TTC38: variants seen among roughly 807,000 people sequenced by gnomAD.
TTC38 encodes tetratricopeptide repeat domain 38.
Under a neutral mutation model 64.2 loss-of-function variants are expected in TTC38, and 64 were observed. The ratio of observed to expected loss-of-function variants is 1.00; its 90% CI spans 0.81 to 1.23. The LOEUF is 1.23. Ranked by LOEUF, TTC38 falls within the 50% of genes most tolerant of loss-of-function variation. TTC38 has a pLI of 0.00. For synonymous variants in TTC38, 254 were observed against 249.3 expected (o/e 1.02, Z -0.18); for missense variants, 573 against 615.5 (o/e 0.93, Z 0.73).
intron 6 of TTC38, among the ~76,000 whole-genome samples, chr22:46,278,907 A>C (rs1446630854): frequency 1.3e-5 from 2 of 152,238 alleles, no homozygotes; most frequent in Non-Finnish European, 2.9e-5. Flanking sequence ...CCACGTCTAC[A>C]GATGAGGTTG....
chr22:46,293,001 G>C lies in TTC38; in HGVS notation c.*117G>C, dbSNP rs2077627520. 2 of 719,110 alleles carry C rather than the reference G, an allele frequency of 2.8e-6. No individual in the cohort carries two copies. Among genetic ancestry groups the C allele is most frequent in the Non-Finnish European group, 4.8e-6 (2 of 415,440 alleles). The allele number at this position is 719,110 out of a possible 1,614,324, so 44.5% of individuals were successfully genotyped here. On this transcript the variant is annotated 3_prime_UTR_variant, in exon 14 of 14. Coordinates refer to ENST00000381031, the MANE Select transcript of TTC38 (RefSeq NM_017931.4). This position sits in a 1 kb window ranked among gnomAD's most constrained non-coding sequence, Gnocchi z 6.6. ...CAGAGCCTGTTTGTTAGGGCTGTTA[G>C]AGGGTGATCTTCAGTTTTACAGGAA...
In TTC38 at chr22:46,271,762, C is replaced by T. The variant is rs1936901304; in HGVS notation, c.112-573C>T. ...CTGCCCTCAAGTGATCCACCCGCCT[C>T]AGTCTTCCAAAGTACTGGGATTACA... is the stretch of plus-strand genomic sequence containing the variant. On this transcript the variant is annotated intron_variant, in intron 2 of 13. Transcript: ENST00000381031. This position sits in a 1 kb window ranked among gnomAD's most constrained non-coding sequence, Gnocchi z 5.5. Among the ~76,000 whole-genome samples the T allele has an allele frequency of 6.6e-6, 1 of 152,214 alleles. No homozygotes were observed. Among genetic ancestry groups the T allele is most frequent in the South Asian group, 2.1e-4 (1 of 4,836 alleles).
In TTC38 at chr22:46,288,537, A is replaced by T; in HGVS notation, c.1031A>T (p.His344Leu). 1 of 1,613,818 alleles carries T rather than the reference A, an allele frequency of 6.2e-7. No individual in the cohort carries two copies. The highest frequency in any genetic ancestry group is 8.5e-7 in the Non-Finnish European group (1 of 1,179,870). The change falls in exon 11 of 14, where the codon CAC (histidine) becomes CTC (leucine). Residue 344 changes from histidine (H) to leucine (L), a missense_variant. Transcript: ENST00000381031. The part of the protein sequence containing the change: ...AHFLMASLGA[H>L]DPQTTQELLT... ...TTCCTGATGGCATCCCTGGGTGCACACGACCCCCAGACCACACAGGAGCTG... is the reference window on the plus strand; with the variant it reads ...TTCCTGATGGCATCCCTGGGTGCACTCGACCCCCAGACCACACAGGAGCTG...
At chr22:46,280,046 G>C in intron 6 of TTC38, 1 of 453,182 alleles carries the variant, frequency 2.2e-6, no homozygotes, top group Non-Finnish European at 4.6e-6. Flanking sequence ...CTCCCCTTTC[G>C]CCTCCTGTCC....
At position 46,276,382 on chromosome 22, in the gene TTC38, C is replaced by T. The variant is rs192709914; in HGVS notation, c.539+961C>T. Among the ~76,000 whole-genome samples, 98 of 152,238 alleles carry T rather than the reference C, an allele frequency of 6.4e-4. No homozygotes were observed. Among genetic ancestry groups the T allele is most frequent in the African/African-American group, 2.2e-3 (90 of 41,530 alleles). ...GGAGGGTAATCTGCTTTACTCAAAT[C>T]GCATCTAGAAATACCTTCACGAGAC... On this transcript the variant is annotated intron_variant, in intron 5 of 13. Coordinates refer to ENST00000381031, the MANE Select transcript of TTC38 (RefSeq NM_017931.4). The surrounding 1 kb of genome is among the most constrained non-coding windows in gnomAD (Gnocchi z 4.7).
At position 46,281,241 on chromosome 22, in the gene TTC38, C is replaced by T. The variant is rs945612955; in HGVS notation, c.616-358C>T. Among the ~76,000 whole-genome samples, 1 of 152,240 alleles carries T rather than the reference C, an allele frequency of 6.6e-6. No homozygotes were observed. Among genetic ancestry groups the T allele is most frequent in the African/African-American group, 2.4e-5 (1 of 41,470 alleles). Reference sequence around the variant, plus strand: ...CTTCCAGGCAGGCGGCAGCTGAGGCCCAGAGAGGGCGGGTATGTTTTGCAA... The same window carrying T: ...CTTCCAGGCAGGCGGCAGCTGAGGCTCAGAGAGGGCGGGTATGTTTTGCAA... On this transcript the variant is annotated intron_variant, in intron 6 of 13. Transcript: ENST00000381031. This position sits in a 1 kb window ranked among gnomAD's most constrained non-coding sequence, Gnocchi z 5.2.
Position 46,291,288 on chromosome 22 carries a change from G to C in TTC38, c.1316+1389G>C, listed in dbSNP as rs6007797. On this transcript the variant is annotated intron_variant, in intron 13 of 13. Coordinates refer to ENST00000381031, the MANE Select transcript of TTC38 (RefSeq NM_017931.4). This position sits in a 1 kb window ranked among gnomAD's most constrained non-coding sequence, Gnocchi z 4.6. The stretch of plus-strand genomic sequence containing the variant: ...GCCTCTGGCAGCAGCGGTGGGGAAA[G>C]TGGCTGTGTGGACAGGAGGGCTGAG... 0.048 allele frequency among the ~76,000 whole-genome samples: 7,293 copies of C among 152,276 alleles called. 569 individuals are homozygous for C. The highest frequency in any genetic ancestry group is 0.16 in the African/African-American group (6,818 of 41,528).
intron 2 of TTC38, among the ~76,000 whole-genome samples, chr22:46,269,723 T>C (rs927987817): frequency 6.6e-6 from 1 of 152,024 alleles, no homozygotes; most frequent in African/African-American, 2.4e-5. Context: ...GGCATCTGAG[T>C]TGTTTGTTTA....
chr22:46,289,863 T>TA lies in TTC38; in HGVS notation c.1283dup (p.Asn428LysfsTer8). The TA allele has an allele frequency of 1.2e-6, 2 of 1,614,156 alleles. No homozygotes were observed. Among genetic ancestry groups the TA allele is most frequent in the Non-Finnish European group, 1.7e-6 (2 of 1,180,018 alleles). ...AACCAGCTGCTGATTCACGCGGCCT[T>TA]AAACTGCACCTCCAGCGTCCATAAG... On this transcript the variant is annotated frameshift_variant, in exon 13 of 14. Transcript: ENST00000381031. LOFTEE classifies it high-confidence loss of function.
intron 9 of TTC38, among the ~76,000 whole-genome samples, chr22:46,286,031 A>AAAAAAAAAAT (rs1273530304): frequency 6.6e-6 from 1 of 151,204 alleles, no homozygotes; most frequent in African/African-American, 2.4e-5. Flanking sequence ...AAAAAAAAAA[A>AAAAAAAAAAT]GTGTATAGCT....
In TTC38 at chr22:46,281,669, A is replaced by AGAT. The variant is rs1337984570; in HGVS notation, c.687_689dup (p.Glu229_Ile230insMet). 6.2e-7 allele frequency: 1 copy of AGAT among 1,614,180 alleles called. No homozygotes were observed. The highest frequency in any genetic ancestry group is 8.5e-7 in the Non-Finnish European group (1 of 1,180,034). On this transcript the variant is annotated inframe_insertion, in exon 7 of 14. Transcript: ENST00000381031. This position sits in a 1 kb window ranked among gnomAD's most constrained non-coding sequence, Gnocchi z 5.2. ...GCTCACATCCACGAGATGAAAGCAGAGATCAAGGATGGGTTGGAATTCATG... is the reference window on the plus strand; with the variant it reads ...GCTCACATCCACGAGATGAAAGCAGAGATGATCAAGGATGGGTTGGAATTCATG...
At position 46,270,693 on chromosome 22, in the gene TTC38, G is replaced by A. The variant is rs1372580886; in HGVS notation, c.112-1642G>A. 6.6e-6 allele frequency among the ~76,000 whole-genome samples: 1 copy of A among 152,104 alleles called. No homozygotes were observed. Among genetic ancestry groups the A allele is most frequent in the African/African-American group, 2.4e-5 (1 of 41,410 alleles). On this transcript the variant is annotated intron_variant, in intron 2 of 13. Transcript: ENST00000381031. This position sits in a 1 kb window ranked among gnomAD's most constrained non-coding sequence, Gnocchi z 4.7. ...ACTAAAAATATAAAAAAATTAGCCG[G>A]GCATGGTGGCATGGGCCTGTAATCC...
rs1166573266 is a variant in TTC38 at position 46,291,679 on chromosome 22, G to A, written c.1317-1112G>A. On this transcript the variant is annotated intron_variant, in intron 13 of 13. Coordinates refer to ENST00000381031, the MANE Select transcript of TTC38 (RefSeq NM_017931.4). This position sits in a 1 kb window ranked among gnomAD's most constrained non-coding sequence, Gnocchi z 4.6. Reference sequence around the variant, plus strand: ...TTTAAAAGTGCCACAGACAGGCCGGGCACGGTGGCTCATGCCTGTAATCCC... The same window carrying A: ...TTTAAAAGTGCCACAGACAGGCCGGACACGGTGGCTCATGCCTGTAATCCC... Among the ~76,000 whole-genome samples the A allele has an allele frequency of 6.6e-6, 1 of 152,186 alleles. No individual in the cohort carries two copies. Among genetic ancestry groups the A allele is most frequent in the Non-Finnish European group, 1.5e-5 (1 of 68,032 alleles).
At position 46,275,980 on chromosome 22, in the gene TTC38, A is replaced by G. The variant is rs1393122187; in HGVS notation, c.539+559A>G. Among the ~76,000 whole-genome samples the G allele has an allele frequency of 6.6e-6, 1 of 151,800 alleles. No individual in the cohort carries two copies. The highest frequency in any genetic ancestry group is 2.4e-5 in the African/African-American group (1 of 41,430). ...GTACAGTTCTACCGTGTGCTTGGGA[A>G]GAGAAGAAGGCCTGGAATGTGCATG... On this transcript the variant is annotated intron_variant, in intron 5 of 13. Transcript: ENST00000381031. The surrounding 1 kb of genome is among the most constrained non-coding windows in gnomAD (Gnocchi z 4.5).
chr22:46,281,885 A>T lies in TTC38; in HGVS notation c.735+167A>T. ...GTGTTTGGCTGCTGAGCAGAATGCAATCAAGATTCCAGTCCCCACCCCAGG... is the reference window on the plus strand; with the variant it reads ...GTGTTTGGCTGCTGAGCAGAATGCATTCAAGATTCCAGTCCCCACCCCAGG... On this transcript the variant is annotated intron_variant, in intron 7 of 13. Transcript: ENST00000381031. The surrounding 1 kb of genome is among the most constrained non-coding windows in gnomAD (Gnocchi z 5.2). 2.2e-6 allele frequency: 2 copies of T among 921,572 alleles called. No individual in the cohort carries two copies. Among genetic ancestry groups the T allele is most frequent in the Non-Finnish European group, 3.4e-6 (2 of 591,114 alleles). The allele number at this position is 921,572 out of a possible 1,614,324, so 57.1% of individuals were successfully genotyped here. A position where few individuals can be genotyped will look rare whatever the true frequency, so the allele number is the denominator to read the frequency against.
rs1321519147 is a variant in TTC38, at chr22:46,275,374, T to G, written c.492T>G (p.Ser164=). The change falls in exon 5 of 14, where the codon TCT becomes TCG. Residue 164 remains serine, a synonymous_variant. Coordinates refer to ENST00000381031, the MANE Select transcript of TTC38 (RefSeq NM_017931.4). This position sits in a 1 kb window ranked among gnomAD's most constrained non-coding sequence, Gnocchi z 4.5. ...GCTATCAGGAACAGATGAGAGATTC[T>G]GTTGCTCGAATTTACCCCTTCTGGA... is the stretch of plus-strand genomic sequence containing the variant. ...YLGYQEQMRD[S]VARIYPFWTP... is the part of the protein sequence containing the mutation. The G allele has an allele frequency of 6.2e-7, 1 of 1,614,154 alleles. No homozygotes were observed. Among genetic ancestry groups the G allele is most frequent in the Non-Finnish European group, 8.5e-7 (1 of 1,180,012 alleles).
Position 46,270,150 on chromosome 22 carries a change from C to T in TTC38, c.111+1559C>T, listed in dbSNP as rs1011259180. Among the ~76,000 whole-genome samples the T allele has an allele frequency of 4.6e-5, 7 of 152,214 alleles. No individual in the cohort carries two copies. Among genetic ancestry groups the T allele is most frequent in the African/African-American group, 1.4e-4 (6 of 41,456 alleles). ...AATCAGTGGCAGCTCATCCTCCCAG[C>T]CTGGGTATATTTTGTCCCGTGTATT... On this transcript the variant is annotated intron_variant, in intron 2 of 13. Coordinates refer to ENST00000381031, the MANE Select transcript of TTC38 (RefSeq NM_017931.4). This position sits in a 1 kb window ranked among gnomAD's most constrained non-coding sequence, Gnocchi z 4.7.
Position 46,268,799 on chromosome 22 carries a change from C to T in TTC38, c.111+208C>T. 5 of 514,134 alleles carry T rather than the reference C, an allele frequency of 9.7e-6. No homozygotes were observed. The South Asian group carries it at 1.0e-4, about 11-fold the overall frequency. The allele number at this position is 514,134 out of a possible 1,614,324, so 31.8% of individuals were successfully genotyped here. On this transcript the variant is annotated intron_variant, in intron 2 of 13. Coordinates refer to ENST00000381031, the MANE Select transcript of TTC38 (RefSeq NM_017931.4). ...TCCCGGGTTCACGCCATTCTCGTCC[C>T]TCAGCCTCCCGAGTAGCTGGGACTA...
chr22:46,289,403 T>TC lies in TTC38; in HGVS notation c.1088dup (p.Gly364ArgfsTer24). On this transcript the variant is annotated frameshift_variant and splice_region_variant, in exon 12 of 14. Transcript: ENST00000381031. LOFTEE classifies it high-confidence loss of function. The stretch of plus-strand genomic sequence containing the variant: ...GAGGGCACCGTCTTGGGTTCGCAGA[T>TC]CCCCAGGGGAGAACTGCCAGCACCT... 1 of 1,607,868 alleles carries TC rather than the reference T, an allele frequency of 6.2e-7. No individual in the cohort carries two copies. Among genetic ancestry groups the TC allele is most frequent in the Non-Finnish European group, 8.5e-7 (1 of 1,179,236 alleles).
Sources: allele counts gnomAD v4.1 joint callset (sites outside exome capture counted in the v4.1 genomes callset), GRCh38; gene constraint gnomAD v4.1.1; non-coding constraint Gnocchi (gnomAD v3.1); transcripts MANE v1.5; gene names NCBI Gene and HGNC (gene_info 2026-07-23, HGNC 2026-07-21).